Variants in R3HDM1 observed in about 807,000 individuals in gnomAD.
R3HDM1 encodes the protein R3H domain containing 1.
R3HDM1 carries 46 observed loss-of-function variants against 141.1 expected under a neutral mutation model. The observed-to-expected ratio is 0.33, with a 90% confidence interval of 0.26 to 0.42. R3HDM1 has a LOEUF of 0.42. Among genes scored for constraint, R3HDM1 ranks in the 10% least tolerant of loss-of-function variants. The pLI, the probability that R3HDM1 is intolerant of heterozygous loss-of-function variation, is 1.00. For missense variants in R3HDM1, 1,184 were observed against 1,368.3 expected (o/e 0.87, Z 2.12); for synonymous variants, 435 against 472.9 (o/e 0.92, Z 1.04).
At chr2:135,593,450 A>G (rs1250090798) in intron 1 of R3HDM1, among the ~76,000 whole-genome samples, 33 of 152,270 alleles carry the variant, frequency 2.2e-4, no homozygotes, top group Admixed American at 2.2e-3. Context: ...ACTTTCTTGC[A>G]TTGTCTCTTA....
intron 1 of R3HDM1, among the ~76,000 whole-genome samples, chr2:135,538,695 C>G (rs1363918242): frequency 6.6e-6 from 1 of 152,162 alleles, no homozygotes. Flanking sequence ...CTCACTGCAA[C>G]CTCCGCCTCC....
At chr2:135,665,762 A>G (rs2067399264) in intron 19 of R3HDM1, among the ~76,000 whole-genome samples, 1 of 151,846 alleles carries the variant, frequency 6.6e-6, no homozygotes, top group Non-Finnish European at 1.5e-5. Flanking sequence ...AGCATACCAA[A>G]CTCATTAGCA....
intron 19 of R3HDM1, among the ~76,000 whole-genome samples, chr2:135,666,248 C>T (rs2067476859): frequency 6.6e-6 from 1 of 152,142 alleles, no homozygotes; most frequent in African/African-American, 2.4e-5. Flanking sequence ...AAAGTCAGCA[C>T]TACTGGGTAA....
chr2:135,639,731 A>G (rs895426885), intron 14 of R3HDM1, among the ~76,000 whole-genome samples: 1 of 152,330 alleles, frequency 6.6e-6, no homozygotes, highest in East Asian at 1.9e-4. Flanking sequence ...TCAATACTAA[A>G]GAAGCTCATA....
intron 1 of R3HDM1, among the ~76,000 whole-genome samples, chr2:135,553,585 A>G (rs1700195416): frequency 6.6e-6 from 1 of 152,204 alleles, no homozygotes; most frequent in African/African-American, 2.4e-5. Flanking sequence ...TCAAAATGTG[A>G]TGTTTTTACA....
At chr2:135,543,098 T>C (rs1697972211) in intron 1 of R3HDM1, 2 of 984,290 alleles carry the variant, frequency 2.0e-6, no homozygotes, top group East Asian at 2.3e-4. Context: ...GACCACCAAC[T>C]TGGGGAGGAT....
intron 7 of R3HDM1, among the ~76,000 whole-genome samples, chr2:135,630,795 T>G (rs2062631154): frequency 6.6e-6 from 1 of 152,146 alleles, no homozygotes; most frequent in Non-Finnish European, 1.5e-5. Flanking sequence ...AGCTTTAAGT[T>G]TCTGTAAGTT....
intron 21 of R3HDM1, among the ~76,000 whole-genome samples, chr2:135,693,441 A>C (rs2072751159): frequency 2.6e-5 from 4 of 152,166 alleles, no homozygotes; most frequent in Admixed American, 2.6e-4. Context: ...CCAACATACA[A>C]GGAGATTTCA....
chr2:135,577,744 A>G (rs991817293), intron 1 of R3HDM1, among the ~76,000 whole-genome samples: 2 of 151,266 alleles, frequency 1.3e-5, no homozygotes, highest in African/African-American at 4.9e-5. Context: ...AGGCTGAGGC[A>G]GGAGAATCGC....
rs1411395542 is a variant in R3HDM1 at position 135,621,515 on chromosome 2, A to G, written c.325A>G (p.Thr109Ala). Residue 109 changes from threonine (T) to alanine (A), a missense_variant, in exon 6 of 27, where the codon ACA becomes GCA. Physicochemically the swap from Thr to Ala is moderately conservative, Grantham distance 58 (BLOSUM62 0). Transcript: ENST00000683871. ...ACAGGAGAAAATTCAGATCCAGTTA[A>G]CACAATCATTTGAGAAAGAAGAGAA... ...ENQEKIQIQL[T>A]QSFEKEEKPS... 5 of 1,592,474 alleles carry G rather than the reference A, an allele frequency of 3.1e-6. No homozygotes were observed. Among genetic ancestry groups the G allele is most frequent in the Admixed American group, 1.8e-5 (1 of 56,958 alleles).
chr2:135,641,984 C>G (rs2063832999), intron 15 of R3HDM1, among the ~76,000 whole-genome samples, 194 bp downstream of exon 15: 1 of 151,972 alleles, frequency 6.6e-6, no homozygotes, highest in Admixed American at 6.6e-5. Context: ...TTTTTTTCCC[C>G]TTGTACATCT....
At chr2:135,550,333 T>C in intron 1 of R3HDM1, 1 of 654,582 alleles carries the variant, frequency 1.5e-6, no homozygotes, top group South Asian at 6.8e-5. Context: ...GCAGCTTTCA[T>C]ACAGCTACTC....
intron 19 of R3HDM1, among the ~76,000 whole-genome samples, chr2:135,670,090 G>A (rs1158627864): frequency 2.8e-5 from 4 of 140,830 alleles, no homozygotes; most frequent in Non-Finnish European, 3.0e-5. Context: ...AGATTGCACC[G>A]CTGCACTCCA....
At chr2:135,718,773 C>T (rs2076409026) in intron 24 of R3HDM1, among the ~76,000 whole-genome samples, 1 of 152,150 alleles carries the variant, frequency 6.6e-6, no homozygotes, top group South Asian at 2.1e-4. Flanking sequence ...TCAGCCACTA[C>T]ACCCAGCACC....
Position 135,565,795 on chromosome 2 carries a change from G to T in R3HDM1, c.-250+34162G>T. 3 of 152,826 alleles carry T rather than the reference G, an allele frequency of 2.0e-5. No individual in the cohort carries two copies. In the South Asian group the frequency reaches 5.4e-4, roughly 28 times the overall value. The allele number at this position is 152,826 out of a possible 1,614,324, so 9.5% of individuals were successfully genotyped here. On this transcript the variant is annotated intron_variant, in intron 1 of 26. Transcript: ENST00000683871. ...ACAATAAAAAGCTCTATGTTGGGGTGATCAGACCCAACACCAGGTCATGGG... is the reference window on the plus strand; with the variant it reads ...ACAATAAAAAGCTCTATGTTGGGGTTATCAGACCCAACACCAGGTCATGGG...
intron 9 of R3HDM1, among the ~76,000 whole-genome samples, chr2:135,632,498 G>T (rs2062816921): frequency 6.6e-6 from 1 of 152,096 alleles, no homozygotes; most frequent in African/African-American, 2.4e-5. Flanking sequence ...TATCATTAGT[G>T]CTGTCTTCTT....
chr2:135,680,412 G>T (rs1447780971), intron 21 of R3HDM1, 88 bp downstream of exon 21: 3 of 1,397,250 alleles, frequency 2.1e-6, no homozygotes, highest in Non-Finnish European at 3.0e-6. Flanking sequence ...TGACTAAGGG[G>T]CATTACTTGA....
chr2:135,583,154 C>T (rs1574062350), intron 1 of R3HDM1, among the ~76,000 whole-genome samples: 1 of 152,148 alleles, frequency 6.6e-6, no homozygotes, highest in African/African-American at 2.4e-5. Flanking sequence ...TCCTCAGATT[C>T]CTGAATCTAA....
At chr2:135,641,457 A>G in intron 14 of R3HDM1, 79 bp from the exon 15 acceptor site, 4 of 1,435,284 alleles carry the variant, frequency 2.8e-6, no homozygotes, top group Non-Finnish European at 2.8e-6. Flanking sequence ...ATGCAATGTA[A>G]ATTTTATTGT....
Sources: allele counts gnomAD v4.1 joint callset (sites outside exome capture counted in the v4.1 genomes callset), GRCh38; gene constraint gnomAD v4.1.1; transcripts MANE v1.5; gene names NCBI Gene and HGNC (gene_info 2026-07-23, HGNC 2026-07-21).